Variants in GATB observed in about 807,000 individuals in gnomAD.
The protein encoded by GATB is glutamyl-tRNA(Gln) amidotransferase subunit B, mitochondrial.
GATB carries 39 observed loss-of-function variants against 62.3 expected under a neutral mutation model. The observed-to-expected ratio is 0.63, with a 90% CI of 0.48 to 0.82. GATB has a LOEUF of 0.82. Ranked by LOEUF, GATB falls within the 40% of genes least tolerant of loss-of-function variation. The pLI, the probability that GATB is intolerant of heterozygous loss-of-function variation, is 0.00. For missense variants in GATB, 670 were observed against 684.0 expected (o/e 0.98, Z 0.23); for synonymous variants, 276 against 258.9 (o/e 1.07, Z -0.63).
At chr4:151,731,726 T>C (rs369536874) in intron 2 of GATB, among the ~76,000 whole-genome samples, 87,647 of 149,098 alleles carry the variant, frequency 0.59, 27,859 homozygotes, top group African/African-American at 0.86. Flanking sequence ...TCTGCCCCGC[T>C]GCCCCGTCTG....
intron 2 of GATB, among the ~76,000 whole-genome samples, chr4:151,752,267 A>G (rs1739736106): frequency 6.6e-6 from 1 of 152,084 alleles, no homozygotes; most frequent in Admixed American, 6.5e-5. Context: ...AAGTTTCTTG[A>G]CATGCCTTCA....
intron 1 of GATB, among the ~76,000 whole-genome samples, chr4:151,760,547 C>T (rs1022099132): frequency 3.3e-5 from 5 of 152,214 alleles, no homozygotes; most frequent in African/African-American, 1.2e-4. Flanking sequence ...TCTGTCTGTG[C>T]ACCCTTCAAG....
chr4:151,719,671 G>C (rs1159937535), intron 2 of GATB, 133 bp from the exon 3 acceptor site: 3 of 539,846 alleles, frequency 5.6e-6, no homozygotes, highest in African/African-American at 2.0e-5. Context: ...TGGGTGGGCA[G>C]CTCCAGTTCA....
At chr4:151,711,668 G>T (rs544206376) in intron 5 of GATB, among the ~76,000 whole-genome samples, 1 of 152,302 alleles carries the variant, frequency 6.6e-6, no homozygotes, top group African/African-American at 2.4e-5. Flanking sequence ...TTATTTCCTT[G>T]AGGCATTTGT....
At chr4:151,676,997 C>T (rs1048954017) in intron 11 of GATB, among the ~76,000 whole-genome samples, 2 of 152,168 alleles carry the variant, frequency 1.3e-5, no homozygotes, top group African/African-American at 4.8e-5. Context: ...ATTCGGAATT[C>T]TGCTCTCAGG....
chr4:151,748,453 A>G (rs1232837405), intron 2 of GATB, among the ~76,000 whole-genome samples: 7 of 152,364 alleles, frequency 4.6e-5, no homozygotes, highest in Admixed American at 2.6e-4. Context: ...AAAACTGGCT[A>G]GCCATATGTA....
At chr4:151,704,730 G>C (rs950918079) in intron 7 of GATB, among the ~76,000 whole-genome samples, 4 of 147,930 alleles carry the variant, frequency 2.7e-5, no homozygotes, top group Non-Finnish European at 5.9e-5. Context: ...TGGGATTACA[G>C]GCGTGAGCCA....
chr4:151,708,281 C>T (rs888449205), intron 5 of GATB, among the ~76,000 whole-genome samples, 180 bp from the exon 6 acceptor site: 2 of 152,058 alleles, frequency 1.3e-5, no homozygotes, highest in South Asian at 2.1e-4. Context: ...TCTGGCCACT[C>T]GAGAGGGGTT....
intron 4 of GATB, 81 bp from the exon 5 acceptor site, chr4:151,716,212 A>C (rs1358525552): frequency 6.1e-6 from 9 of 1,480,348 alleles, no homozygotes; most frequent in East Asian, 2.4e-5. Context: ...TTTCAGGAAA[A>C]CCCTGCCTTA....
intron 10 of GATB, among the ~76,000 whole-genome samples, chr4:151,682,024 C>T (rs939041956): frequency 7.9e-5 from 12 of 152,146 alleles, no homozygotes; most frequent in East Asian, 1.9e-4. Context: ...GCCGCAATGA[C>T]ATAAAAGACG....
At chr4:151,710,897 G>A (rs1738805281) in intron 5 of GATB, among the ~76,000 whole-genome samples, 1 of 152,034 alleles carries the variant, frequency 6.6e-6, no homozygotes, top group African/African-American at 2.4e-5. Flanking sequence ...CACACTTACA[G>A]CTCTGGTATC....
chr4:151,682,727 C>T (rs1332964838), intron 10 of GATB, among the ~76,000 whole-genome samples: 1 of 152,064 alleles, frequency 6.6e-6, no homozygotes, highest in African/African-American at 2.4e-5. Flanking sequence ...TCCCAATCCC[C>T]CAGCTTATCT....
intron 2 of GATB, among the ~76,000 whole-genome samples, chr4:151,733,151 A>C (rs958188817): frequency 2.0e-5 from 3 of 152,324 alleles, no homozygotes; most frequent in Middle Eastern, 3.4e-3. Flanking sequence ...AACAAACAAA[A>C]AAAATACAAA....
chr4:151,716,276 CCT>C, intron 4 of GATB, 145 bp from the exon 5 acceptor site: 2 of 723,730 alleles, frequency 2.8e-6, no homozygotes, highest in Non-Finnish European at 4.0e-6. Context: ...TTCCCTCCCA[CCT>C]TTTTTTTTTT....
intron 9 of GATB, among the ~76,000 whole-genome samples, chr4:151,697,965 A>ATGTGTGTATATG (rs1482204192): frequency 1.8e-5 from 2 of 109,050 alleles, no homozygotes; most frequent in African/African-American, 1.0e-4. Context: ...ATATATATAT[A>ATGTGTGTATATG]TATATATATA....
At chr4:151,735,734 G>GTATATATATATATATATATACATA (rs1491213513) in intron 2 of GATB, among the ~76,000 whole-genome samples, 1 of 93,614 alleles carries the variant, frequency 1.1e-5, no homozygotes, top group Non-Finnish European at 2.1e-5. Context: ...ATAAACTGTG[G>GTATATATATATATATATATACATA]TGTATATATA....
At chr4:151,756,559 C>A (rs989297380) in intron 2 of GATB, among the ~76,000 whole-genome samples, 1 of 152,176 alleles carries the variant, frequency 6.6e-6, no homozygotes, top group Non-Finnish European at 1.5e-5. Flanking sequence ...GCTACTTAAA[C>A]CATAAGCGTT....
chr4:151,709,390 T>C (rs1738775087), intron 5 of GATB, among the ~76,000 whole-genome samples: 1 of 152,224 alleles, frequency 6.6e-6, no homozygotes, highest in South Asian at 2.1e-4. Context: ...TCTCCAGCAC[T>C]GACTTCTCAA....
chr4:151,672,130 C>A (rs1737882924), intron 12 of GATB, among the ~76,000 whole-genome samples: 1 of 152,092 alleles, frequency 6.6e-6, no homozygotes, highest in Non-Finnish European at 1.5e-5. Flanking sequence ...AAGATGCCGA[C>A]AATTTTTTTC....
Sources: allele counts gnomAD v4.1 joint callset (sites outside exome capture counted in the v4.1 genomes callset), GRCh38; gene constraint gnomAD v4.1.1; transcripts MANE v1.5; gene names NCBI Gene and HGNC (gene_info 2026-07-23, HGNC 2026-07-21).